Variants in AUTS2 observed in about 807,000 individuals in gnomAD.
AUTS2 encodes the protein activator of transcription and developmental regulator AUTS2, also known as autism susceptibility gene 2 protein.
Under a neutral mutation model 112.4 loss-of-function variants are expected in AUTS2, and 17 were observed. That is an observed-to-expected ratio of 0.15 (90% CI 0.10 to 0.23). AUTS2 has a LOEUF of 0.23. AUTS2 is among the 10% of genes least tolerant of loss of function. The pLI, the probability that AUTS2 is intolerant of heterozygous loss-of-function variation, is 1.00. For synonymous variants in AUTS2, 751 were observed against 702.7 expected (o/e 1.07, Z -1.09); for missense variants, 1,510 against 1,701.6 (o/e 0.89, Z 1.98).
In AUTS2 at chr7:70,762,725, T is replaced by A. The variant is rs1789645572; in HGVS notation, c.743-145T>A. The A allele has an allele frequency of 4.3e-6, 3 of 692,982 alleles. No individual in the cohort carries two copies. In the African/African-American group the frequency reaches 5.3e-5, roughly 12 times the overall value. The allele number at this position is 692,982 out of a possible 1,614,324, so 42.9% of individuals were successfully genotyped here. ...TGCTGTGGGCGCATACCCCCGCAGG[T>A]GGTGGAGACAAGGACCCAAGCCAGG... On this transcript the variant is annotated intron_variant, in intron 6 of 18. Transcript: ENST00000342771.
intron 4 of AUTS2, among the ~76,000 whole-genome samples, chr7:70,369,368 A>G (rs1027867273): frequency 2.0e-5 from 3 of 152,268 alleles, no homozygotes; most frequent in African/African-American, 4.8e-5. Context: ...AGCTCATGCC[A>G]TGAGTTTGAG....
intron 2 of AUTS2, among the ~76,000 whole-genome samples, chr7:70,053,563 A>T: frequency 1.2e-5 from 1 of 85,906 alleles, no homozygotes; most frequent in African/African-American, 6.2e-5. Flanking sequence ...TTTTGGAGAC[A>T]GGATCTCACT....
intron 4 of AUTS2, among the ~76,000 whole-genome samples, chr7:70,190,215 G>GT (rs1190287290): frequency 6.6e-6 from 1 of 152,160 alleles, no homozygotes; most frequent in Non-Finnish European, 1.5e-5. Context: ...GGATACAGCA[G>GT]TAAGTGTTGC....
chr7:70,068,688 TAAGAA>T (rs1275925900), intron 2 of AUTS2, among the ~76,000 whole-genome samples: 1 of 152,204 alleles, frequency 6.6e-6, no homozygotes, highest in Non-Finnish European at 1.5e-5. Context: ...GAATGTAGCT[TAAGAA>T]AAGAAAAGCA....
chr7:70,642,678 C>G (rs907757418), intron 5 of AUTS2, among the ~76,000 whole-genome samples: 1 of 152,198 alleles, frequency 6.6e-6, no homozygotes, highest in African/African-American at 2.4e-5. Context: ...ACATATCACT[C>G]CTCTTGTCTC....
intron 5 of AUTS2, among the ~76,000 whole-genome samples, chr7:70,501,927 G>A (rs1798786466): frequency 6.6e-6 from 1 of 152,132 alleles, no homozygotes; most frequent in African/African-American, 2.4e-5. Flanking sequence ...CAGGTGGCCT[G>A]AGGAGCCCTT....
chr7:69,939,644 T>C (rs1562982217), intron 2 of AUTS2, among the ~76,000 whole-genome samples: 1 of 152,220 alleles, frequency 6.6e-6, no homozygotes, highest in Admixed American at 6.5e-5. Flanking sequence ...AATTTAAAAT[T>C]ACACTCTTGT....
chr7:70,716,158 A>T (rs1323548736), intron 6 of AUTS2, among the ~76,000 whole-genome samples: 3 of 152,196 alleles, frequency 2.0e-5, no homozygotes, highest in Non-Finnish European at 4.4e-5. Flanking sequence ...ACAGTGTGCC[A>T]GGGCACCTGC....
intron 2 of AUTS2, among the ~76,000 whole-genome samples, chr7:70,080,555 C>T (rs1028602790): frequency 1.3e-5 from 2 of 152,146 alleles, no homozygotes; most frequent in African/African-American, 4.8e-5. Flanking sequence ...TTGTAAATTG[C>T]TTGCTATACA....
chr7:70,047,278 T>C (rs779202781), intron 2 of AUTS2, among the ~76,000 whole-genome samples: 7 of 152,188 alleles, frequency 4.6e-5, no homozygotes, highest in Non-Finnish European at 5.9e-5. Flanking sequence ...CTTTTAAAAG[T>C]TATTCACTTA....
intron 1 of AUTS2, among the ~76,000 whole-genome samples, chr7:69,803,046 G>A (rs1283532521): frequency 6.6e-6 from 1 of 152,164 alleles, no homozygotes; most frequent in Admixed American, 6.5e-5. Context: ...ATGACAGTTT[G>A]TGTATGCTTA....
At chr7:69,926,260 C>G (rs1796004521) in intron 2 of AUTS2, among the ~76,000 whole-genome samples, 1 of 152,114 alleles carries the variant, frequency 6.6e-6, no homozygotes, top group Non-Finnish European at 1.5e-5. Context: ...ATTGATGTCT[C>G]TGGCTATAAT....
intron 2 of AUTS2, among the ~76,000 whole-genome samples, chr7:69,963,722 G>A (rs551109152): frequency 1.6e-4 from 24 of 152,194 alleles, no homozygotes; most frequent in South Asian, 2.1e-4. Context: ...ATTACCCTCC[G>A]TTTACAGATG....
chr7:70,045,049 C>T (rs904606421), intron 2 of AUTS2, among the ~76,000 whole-genome samples: 3 of 151,702 alleles, frequency 2.0e-5, no homozygotes, highest in African/African-American at 7.3e-5. Context: ...TGCTTGGACA[C>T]GCTAGACTTG....
chr7:70,480,729 C>T (rs996992464), intron 5 of AUTS2, among the ~76,000 whole-genome samples: 1 of 152,166 alleles, frequency 6.6e-6, no homozygotes, highest in Non-Finnish European at 1.5e-5. Flanking sequence ...ACTCCAGGAA[C>T]TTAGTCCAGC....
At chr7:70,783,938 C>T (rs1324544711) in intron 15 of AUTS2, 1 of 152,160 alleles carries the variant, frequency 6.6e-6, no homozygotes, top group Admixed American at 6.5e-5. Flanking sequence ...TTCTCTGTCT[C>T]CTTCCTTCCT....
intron 4 of AUTS2, among the ~76,000 whole-genome samples, chr7:70,418,103 G>GTGTGTGTGTGTC (rs1554396536): frequency 2.5e-3 from 370 of 149,102 alleles, no homozygotes; most frequent in African/African-American, 7.2e-3. Flanking sequence ...GTGTGTGTGT[G>GTGTGTGTGTGTC]TGTGTGTGTC....
At chr7:70,241,214 A>G (rs1812595261) in intron 4 of AUTS2, among the ~76,000 whole-genome samples, 1 of 152,226 alleles carries the variant, frequency 6.6e-6, no homozygotes, top group Admixed American at 6.5e-5. Context: ...CACATTTGTC[A>G]TATTCATTAT....
chr7:70,420,590 G>A (rs59045886), intron 4 of AUTS2, among the ~76,000 whole-genome samples: 14,382 of 152,260 alleles, frequency 0.094, 772 homozygotes, highest in Middle Eastern at 0.18. Context: ...AACTCTGGCC[G>A]AGGCAGCCTC....
Sources: allele counts gnomAD v4.1 joint callset (sites outside exome capture counted in the v4.1 genomes callset), GRCh38; gene constraint gnomAD v4.1.1; transcripts MANE v1.5; gene names NCBI Gene and HGNC (gene_info 2026-07-23, HGNC 2026-07-21).